NID1: variants seen among roughly 807,000 people sequenced by gnomAD.
NID1 encodes the protein nidogen-1.
A neutral mutation model predicts 130.6 loss-of-function variants in NID1; 76 were observed. The ratio of observed to expected loss-of-function variants is 0.58; its 90% CI spans 0.48 to 0.70. The LOEUF (loss-of-function observed/expected upper bound fraction) is 0.70, where lower values mean the gene tolerates loss of function less well. Among genes scored for constraint, NID1 ranks in the 30% least tolerant of loss-of-function variants. NID1 has a pLI of 0.00. For missense variants in NID1, 1,517 were observed against 1,664.8 expected (o/e 0.91, Z 1.54); for synonymous variants, 665 against 675.1 (o/e 0.98, Z 0.23).
chr1:236,030,151 T>C (rs770994058), intron 6 of NID1, among the ~76,000 whole-genome samples: 1 of 152,208 alleles, frequency 6.6e-6, no homozygotes, highest in Non-Finnish European at 1.5e-5. Flanking sequence ...TGTCAAGTGC[T>C]CCATAATGCC....
At position 236,032,658 on chromosome 1, in the gene NID1, C is replaced by A. The variant is rs753104765; in HGVS notation, c.1286-6G>T. The A allele has an allele frequency of 1.2e-6, 2 of 1,613,490 alleles. No homozygotes were observed. The highest frequency in any genetic ancestry group is 1.7e-6 in the Non-Finnish European group (2 of 1,179,780). On this transcript the variant is annotated splice_region_variant and splice_polypyrimidine_tract_variant and intron_variant, in intron 5 of 19. Coordinates refer to ENST00000264187, the MANE Select transcript of NID1 (RefSeq NM_002508.3). ...ATTGACTCGCTGGGGGGAACCTGAG[C>A]AAGAAAACAAAGAAAGAATATAGAG... is the stretch of plus-strand genomic sequence containing the variant.
chr1:236,065,004 C>T lies in NID1; in HGVS notation c.76G>A (p.Val26Met), dbSNP rs1418630127. Residue 26 changes from valine to methionine, a missense_variant, in exon 1 of 20, where the codon GTG becomes ATG. Physicochemically the swap from Val to Met is conservative, Grantham distance 21. Transcript: ENST00000264187. The surrounding 1 kb of genome is among the most constrained non-coding windows in gnomAD (Gnocchi z 4.1). ...LLLPLLLAGP[V>M]GCLSRQELFP... is the part of the protein sequence containing the mutation. Reference sequence around the variant, plus strand: ...AGCTCCTGGCGGCTCAGGCAGCCCACAGGCCCCGCCAGCAGCAGCGGCAGC... The same window carrying T: ...AGCTCCTGGCGGCTCAGGCAGCCCATAGGCCCCGCCAGCAGCAGCGGCAGC... 3.2e-6 allele frequency: 5 copies of T among 1,555,636 alleles called. No individual in the cohort carries two copies. The South Asian group carries it at 5.9e-5, about 18-fold the overall frequency.
intron 12 of NID1, among the ~76,000 whole-genome samples, chr1:236,006,832 C>T (rs1376411177): frequency 1.3e-5 from 2 of 151,882 alleles, no homozygotes; most frequent in African/African-American, 4.8e-5. Context: ...CCTTGAACTA[C>T]ATATTGCTTG....
intron 12 of NID1, among the ~76,000 whole-genome samples, chr1:236,004,160 T>C (rs1370667892): frequency 1.3e-5 from 2 of 151,422 alleles, no homozygotes; most frequent in African/African-American, 4.9e-5. Context: ...CTGACTGCAG[T>C]GGTTAGAGAG....
chr1:236,059,354 G>A (rs1659981037), intron 1 of NID1, among the ~76,000 whole-genome samples: 1 of 152,190 alleles, frequency 6.6e-6, no homozygotes, highest in South Asian at 2.1e-4. Context: ...GCAAGTCCGG[G>A]ACACAATCAA....
chr1:235,990,647 C>T (rs1254777530), intron 14 of NID1, among the ~76,000 whole-genome samples: 2 of 152,194 alleles, frequency 1.3e-5, no homozygotes, highest in East Asian at 1.9e-4. Context: ...AGATATGAGG[C>T]TCTTAAATTG....
intron 1 of NID1, among the ~76,000 whole-genome samples, chr1:236,061,240 G>A (rs565314121): frequency 2.6e-5 from 4 of 152,304 alleles, no homozygotes; most frequent in Non-Finnish European, 5.9e-5. Flanking sequence ...TGAAAGATTA[G>A]TGGGCAGGAA....
In NID1 at chr1:236,053,399, T is replaced by G. The variant is rs557670883; in HGVS notation, c.226-4410A>C. On this transcript the variant is annotated intron_variant, in intron 1 of 19. Transcript: ENST00000264187. Reference sequence around the variant, plus strand: ...CCAAGAACCTATCCACAATGTTAAGTGAGAAGCTACTGTATATGGCACTTT... The same window carrying G: ...CCAAGAACCTATCCACAATGTTAAGGGAGAAGCTACTGTATATGGCACTTT... Among the ~76,000 whole-genome samples, 12 of 152,286 alleles carry G rather than the reference T, an allele frequency of 7.9e-5. No individual in the cohort carries two copies. In the South Asian group the frequency reaches 2.3e-3, roughly 29 times the overall value.
At chr1:236,030,445 G>C (rs1333426095) in intron 6 of NID1, among the ~76,000 whole-genome samples, 3 of 152,026 alleles carry the variant, frequency 2.0e-5, no homozygotes, top group African/African-American at 7.3e-5. Flanking sequence ...GCTCAGAAAG[G>C]TCTTTACATT....
Position 236,032,633 on chromosome 1 carries a change from A to G in NID1, c.1305T>C (p.Asn435=), listed in dbSNP as rs766656569. The change falls in exon 6 of 20, where the codon AAT becomes AAC. Residue 435 remains asparagine, a synonymous_variant. Transcript: ENST00000264187. The stretch of plus-strand genomic sequence containing the variant: ...CAAAGATCCTTCCTTTCACCTTGCC[A>G]TTGACTCGCTGGGGGGAACCTGAGC... ...CVAEGSPQRV[N]GKVKGRIFVG... 6.2e-6 allele frequency: 10 copies of G among 1,614,064 alleles called. No individual in the cohort carries two copies. In the South Asian group the frequency reaches 8.8e-5, roughly 14 times the overall value.
In NID1 at chr1:235,986,817, A is replaced by G. The variant is rs534118355; in HGVS notation, c.2929-1312T>C. Among the ~76,000 whole-genome samples, 336 of 152,322 alleles carry G rather than the reference A, an allele frequency of 2.2e-3. 3 individuals are homozygous for G. Among genetic ancestry groups the G allele is most frequent in the Non-Finnish European group, 2.9e-3 (196 of 68,026 alleles). ...CTTAAACCATCACAACCAAATGCTCAGGCCTCAACTGTGGGTACCTCCTTC... is the reference window on the plus strand; with the variant it reads ...CTTAAACCATCACAACCAAATGCTCGGGCCTCAACTGTGGGTACCTCCTTC... On this transcript the variant is annotated intron_variant, in intron 14 of 19. Transcript: ENST00000264187.
At chr1:236,024,392 C>T (rs1293228170) in intron 8 of NID1, among the ~76,000 whole-genome samples, 179 bp from the exon 9 acceptor site, 1 of 152,256 alleles carries the variant, frequency 6.6e-6, no homozygotes, top group Non-Finnish European at 1.5e-5. Context: ...GGCCCCCTCC[C>T]TGTTCTTGTA....
chr1:236,043,102 C>A (rs1336420349), intron 3 of NID1, among the ~76,000 whole-genome samples: 1 of 152,198 alleles, frequency 6.6e-6, no homozygotes, highest in African/African-American at 2.4e-5. Context: ...AAACCCTGCC[C>A]CCTTACCCAT....
intron 1 of NID1, among the ~76,000 whole-genome samples, chr1:236,056,228 TTGACAATTACATTTTGGACA>T (rs1310024079): frequency 6.6e-6 from 1 of 152,212 alleles, no homozygotes; most frequent in Admixed American, 6.5e-5. Context: ...GATATTGATC[TTGACAATTACATTTTGGACA>T]TGACACCAAA....
intron 2 of NID1, 138 bp downstream of exon 2, chr1:236,048,552 G>T: frequency 1.1e-6 from 1 of 897,194 alleles, no homozygotes; most frequent in Non-Finnish European, 1.6e-6. Context: ...GCAATAACCA[G>T]CCTACTAGAT....
chr1:236,048,346 AAAAT>A (rs34843286), intron 2 of NID1, among the ~76,000 whole-genome samples: 2 of 151,160 alleles, frequency 1.3e-5, no homozygotes, highest in Admixed American at 6.6e-5. Flanking sequence ...AAAAAAAAGA[AAAAT>A]AAATAAATAA....
chr1:236,031,431 AATAG>A (rs562786668), intron 6 of NID1, among the ~76,000 whole-genome samples: 287 of 152,274 alleles, frequency 1.9e-3, no homozygotes, highest in Non-Finnish European at 3.1e-3. Context: ...CTCCTTTTCT[AATAG>A]ATAGCCTCTC....
intron 1 of NID1, among the ~76,000 whole-genome samples, chr1:236,050,647 G>C (rs1298264108): frequency 6.6e-6 from 1 of 152,128 alleles, no homozygotes; most frequent in Admixed American, 6.5e-5. Flanking sequence ...GTGGCAAACA[G>C]CCCCTTGGAG....
chr1:235,998,647 C>G (rs571771906), intron 12 of NID1, among the ~76,000 whole-genome samples: 1 of 151,888 alleles, frequency 6.6e-6, no homozygotes, highest in Non-Finnish European at 1.5e-5. Flanking sequence ...TGCACTCCAG[C>G]CTGGACGACA....
Sources: gnomAD v4.1 joint callset for allele counts (sites outside exome capture counted in the v4.1 genomes callset) on GRCh38, gnomAD v4.1.1 for gene constraint, Gnocchi (gnomAD v3.1) non-coding constraint, MANE v1.5 for transcripts, NCBI Gene and HGNC (gene_info 2026-07-23, HGNC 2026-07-21) for gene names.